The following ME2 variants were observed in gnomAD, a reference collection of about 807,000 sequenced individuals.
ME2 encodes malic enzyme 2.
ME2 carries 60 observed loss-of-function variants against 73.7 expected under a neutral mutation model. The observed-to-expected ratio is 0.81, with a 90% confidence interval of 0.66 to 1.01. The LOEUF (loss-of-function observed/expected upper bound fraction) is 1.01, where lower values mean the gene tolerates loss of function less well. Among genes scored for constraint, ME2 ranks in the 50% least tolerant of loss-of-function variants. ME2 has a pLI of 0.00. For missense variants in ME2, 594 were observed against 705.5 expected (o/e 0.84, Z 1.79); for synonymous variants, 199 against 236.9 (o/e 0.84, Z 1.47).
chr18:50,908,069 G>A lies in ME2; in HGVS notation c.115G>A (p.Ala39Thr), dbSNP rs778977072. 1.3e-6 allele frequency: 2 copies of A among 1,568,932 alleles called. No individual in the cohort carries two copies. The highest frequency in any genetic ancestry group is 1.2e-5 in the South Asian group (1 of 83,394). Residue 39 changes from alanine to threonine, a missense_variant, in exon 3 of 16, where the codon GCA becomes ACA. Ala to Thr is a moderately conservative substitution (Grantham distance 58). Transcript: ENST00000321341. Reference sequence around the variant, plus strand: ...TTTTATTTCTCCTCTTTAGGGAATGGCATTTACTTTACAAGAACGACAAAT... The same window carrying A: ...TTTTATTTCTCCTCTTTAGGGAATGACATTTACTTTACAAGAACGACAAAT... Reference protein sequence around the residue: ...MLNPRTNKGMAFTLQERQMLG... With the variant: ...MLNPRTNKGMTFTLQERQMLG...
chr18:50,914,174 C>A (rs542785409), intron 4 of ME2, among the ~76,000 whole-genome samples: 6 of 152,152 alleles, frequency 3.9e-5, no homozygotes, highest in Non-Finnish European at 8.8e-5. Context: ...TTAGTGAGCA[C>A]CCTCAGTGAT....
At chr18:50,940,205 G>GT (rs1432835897) in intron 14 of ME2, 83 bp from the exon 15 acceptor site, 3 of 894,582 alleles carry the variant, frequency 3.4e-6, no homozygotes, top group Non-Finnish European at 5.5e-6. Context: ...TTTACTCTCT[G>GT]TTTCCCCAAT....
At chr18:50,883,128 G>A (rs1202961708) in intron 1 of ME2, among the ~76,000 whole-genome samples, 1 of 152,056 alleles carries the variant, frequency 6.6e-6, no homozygotes, top group Non-Finnish European at 1.5e-5. Context: ...TTTGGTCATA[G>A]ACCAGTCAAA....
intron 2 of ME2, among the ~76,000 whole-genome samples, chr18:50,898,859 C>T (rs993042814): frequency 2.6e-5 from 4 of 152,140 alleles, no homozygotes; most frequent in African/African-American, 4.8e-5. Flanking sequence ...CTTCTCTAGG[C>T]CTTAGTTTTC....
intron 13 of ME2, chr18:50,935,253 A>T (rs1161076954): frequency 6.6e-6 from 1 of 152,186 alleles, no homozygotes; most frequent in East Asian, 1.9e-4. Flanking sequence ...AAAAAAAGAT[A>T]ATGAGGCACA....
At position 50,953,753 on chromosome 18, in the gene ME2, G is replaced by T. The variant is rs531464576; in HGVS notation, c.*6569G>T. The T allele has an allele frequency of 1.6e-4, 25 of 152,226 alleles. No individual in the cohort carries two copies. Among genetic ancestry groups the T allele is most frequent in the African/African-American group, 5.5e-4 (23 of 41,540 alleles). 9.4% of individuals were successfully genotyped at this position (152,226 alleles called of 1,614,324 possible). On this transcript the variant is annotated 3_prime_UTR_variant, in exon 16 of 16. Transcript: ENST00000321341. ...ATGTATTGTATACACATATTCCATT[G>T]AAAGGTGAGAATAATTAGAAAGTAG...
chr18:50,917,788 A>G (rs1416695201), intron 6 of ME2, among the ~76,000 whole-genome samples: 1 of 152,132 alleles, frequency 6.6e-6, no homozygotes, highest in African/African-American at 2.4e-5. Context: ...CCTGGCCAAC[A>G]TGGTGAAACC....
chr18:50,942,906 A>G (rs1386585577), intron 15 of ME2, among the ~76,000 whole-genome samples: 4 of 152,048 alleles, frequency 2.6e-5, no homozygotes, highest in Non-Finnish European at 5.9e-5. Flanking sequence ...TTTTTCTCTA[A>G]CTATAAATCA....
In ME2 at chr18:50,949,892, AATACAGGAAGGACT is replaced by A. The variant is rs1599134011; in HGVS notation, c.*2711_*2724del. 2 of 152,378 alleles carry A rather than the reference AATACAGGAAGGACT, an allele frequency of 1.3e-5. No individual in the cohort carries two copies. The highest frequency in any genetic ancestry group is 3.9e-4 in the East Asian group (2 of 5,192). 9.4% of individuals were successfully genotyped at this position (152,378 alleles called of 1,614,324 possible). A position where few individuals can be genotyped will look rare whatever the true frequency, so the allele number is the denominator to read the frequency against. ...AAAATTGCTTAATATTTAAGCTAAG[AATACAGGAAGGACT>A]ATGAGCATTGAGGAAATCGGGGGAG... On this transcript the variant is annotated 3_prime_UTR_variant, in exon 16 of 16. Transcript: ENST00000321341.
intron 1 of ME2, among the ~76,000 whole-genome samples, chr18:50,880,889 CAA>C (rs1357014255): frequency 6.6e-6 from 1 of 151,324 alleles, no homozygotes; most frequent in Non-Finnish European, 1.5e-5. Context: ...TTTATGAAAA[CAA>C]AATATTCATA....
intron 15 of ME2, among the ~76,000 whole-genome samples, chr18:50,946,746 C>G (rs767682705): frequency 1.6e-4 from 24 of 152,314 alleles, no homozygotes; most frequent in Non-Finnish European, 3.1e-4. Flanking sequence ...GCCACTCTTT[C>G]AGCAAGACTG....
rs1918120125 is a variant in ME2 at position 50,947,693 on chromosome 18, A to G, written c.*509A>G. 1 of 152,424 alleles carries G rather than the reference A, an allele frequency of 6.6e-6. No individual in the cohort carries two copies. The highest frequency in any genetic ancestry group is 2.4e-5 in the African/African-American group (1 of 41,456). The allele number at this position is 152,424 out of a possible 1,614,324, so 9.4% of individuals were successfully genotyped here. A position where few individuals can be genotyped will look rare whatever the true frequency, so the allele number is the denominator to read the frequency against. On this transcript the variant is annotated 3_prime_UTR_variant, in exon 16 of 16. Coordinates refer to ENST00000321341, the MANE Select transcript of ME2 (RefSeq NM_002396.5). The stretch of plus-strand genomic sequence containing the variant: ...CTTCATCTTACCTTCATACTCTGAA[A>G]TTCCCTATAGCAGACAGAGCTAGGG...
chr18:50,932,404 T>A, intron 13 of ME2, 44 bp downstream of exon 13: 1 of 1,441,582 alleles, frequency 6.9e-7, no homozygotes, highest in Non-Finnish European at 9.7e-7. Flanking sequence ...TAGTTAATTA[T>A]GTAAAAATAC....
At position 50,952,598 on chromosome 18, in the gene ME2, G is replaced by T. The variant is rs1179284147; in HGVS notation, c.*5414G>T. 1 of 152,050 alleles carries T rather than the reference G, an allele frequency of 6.6e-6. No homozygotes were observed. The highest frequency in any genetic ancestry group is 1.5e-5 in the Non-Finnish European group (1 of 68,006). The allele number at this position is 152,050 out of a possible 1,614,324, so 9.4% of individuals were successfully genotyped here. ...CTTGTTTTTTCCAAATAAAAACTTTGCAATTGGGAGTTATTCCTCCATTCA... is the reference window on the plus strand; with the variant it reads ...CTTGTTTTTTCCAAATAAAAACTTTTCAATTGGGAGTTATTCCTCCATTCA... On this transcript the variant is annotated 3_prime_UTR_variant, in exon 16 of 16. Coordinates refer to ENST00000321341, the MANE Select transcript of ME2 (RefSeq NM_002396.5).
chr18:50,935,579 A>G (rs1447029412), intron 13 of ME2: 4 of 115,480 alleles, frequency 3.5e-5, no homozygotes, highest in Non-Finnish European at 7.5e-5. Context: ...CCCCATCTCT[A>G]TAAAATTAAA....
At position 50,920,483 on chromosome 18, in the gene ME2, C is replaced by T. The variant is rs768582400; in HGVS notation, c.762C>T (p.Phe254=). The T allele has an allele frequency of 1.1e-5, 18 of 1,597,316 alleles. No individual in the cohort carries two copies. The African/African-American group carries it at 1.5e-4, about 13-fold the overall frequency. ...DRYGRNTLIQ[F]EDFGNHNAFR... The stretch of plus-strand genomic sequence containing the variant: ...ATGGCCGGAACACACTCATTCAGTT[C>T]GAAGACTTTGGAAATCATAATGCAT... The change falls in exon 8 of 16, where the codon TTC becomes TTT. Residue 254 remains phenylalanine (F), a synonymous_variant. Coordinates refer to ENST00000321341, the MANE Select transcript of ME2 (RefSeq NM_002396.5).
intron 3 of ME2, among the ~76,000 whole-genome samples, chr18:50,911,151 C>T (rs1917146871): frequency 6.6e-6 from 1 of 152,182 alleles, no homozygotes; most frequent in Non-Finnish European, 1.5e-5. Flanking sequence ...TAGAGCTTCC[C>T]TCTATCACAT....
intron 13 of ME2, chr18:50,939,214 C>A: frequency 6.5e-6 from 1 of 154,810 alleles, no homozygotes; most frequent in Admixed American, 6.6e-5. Flanking sequence ...GAGAGAGAAA[C>A]AATCAGCTAA....
chr18:50,926,043 G>C (rs1917544631), intron 12 of ME2, 145 bp downstream of exon 12: 1 of 580,526 alleles, frequency 1.7e-6, no homozygotes. Flanking sequence ...ATTAATTATT[G>C]CTTATACCAA....
Sources: allele counts gnomAD v4.1 joint callset (sites outside exome capture counted in the v4.1 genomes callset), GRCh38; gene constraint gnomAD v4.1.1; transcripts MANE v1.5; gene names NCBI Gene and HGNC (gene_info 2026-07-23, HGNC 2026-07-21).